Variants in SYCP2 observed in about 807,000 individuals in gnomAD.
The protein encoded by SYCP2 is synaptonemal complex lateral element protein.
In SYCP2, 55 loss-of-function variants were observed where a neutral mutation model predicts 211.3. The ratio of observed to expected loss-of-function variants is 0.26; its 90% CI spans 0.21 to 0.33. The LOEUF is 0.33. SYCP2 is among the 10% of genes least tolerant of loss of function. The probability of loss-of-function intolerance (pLI) is 1.00; values close to 1 mark genes in which losing one functional copy is unlikely to be tolerated. For missense variants in SYCP2, 1,731 were observed against 1,752.0 expected (o/e 0.99, Z 0.21); for synonymous variants, 570 against 555.2 (o/e 1.03, Z -0.37).
In SYCP2 at chr20:59,865,387, C is replaced by T. The variant is rs1413719650; in HGVS notation, c.4515+1G>A. ...CCCATTTTCAAACTTAGTTGACTTA[C>T]CATGTCCTTAAGAAGCCTGTCTTGC... is the stretch of plus-strand genomic sequence containing the variant. On this transcript the variant is annotated splice_donor_variant, in intron 44 of 44. Transcript: ENST00000357552. LOFTEE classifies it high-confidence loss of function. 6.2e-7 allele frequency: 1 copy of T among 1,605,980 alleles called. No homozygotes were observed. The highest frequency in any genetic ancestry group is 2.2e-5 in the East Asian group (1 of 44,560).
intron 30 of SYCP2, 88 bp from the exon 31 acceptor site, chr20:59,880,559 A>G: frequency 1.5e-6 from 1 of 674,870 alleles, no homozygotes; most frequent in Non-Finnish European, 2.3e-6. Context: ...CAACAACAAC[A>G]AAAAAAAACA....
At chr20:59,865,544 G>T (rs767974748) in intron 43 of SYCP2, 29 bp downstream of exon 43, 30 of 1,579,150 alleles carry the variant, frequency 1.9e-5, no homozygotes, top group Non-Finnish European at 2.6e-6. Flanking sequence ...ATCAAGAGAG[G>T]TAACCTATAA....
chr20:59,921,179 A>T (rs2060535175), intron 4 of SYCP2, 131 bp downstream of exon 4: 1 of 620,212 alleles, frequency 1.6e-6, no homozygotes. Context: ...ATGGTGAAAT[A>T]AGCATTTATT....
In SYCP2 at chr20:59,924,753, A is replaced by T. The variant is rs1283865451; in HGVS notation, c.-46-2294T>A. 2.6e-5 allele frequency among the ~76,000 whole-genome samples: 4 copies of T among 152,046 alleles called. No homozygotes were observed. In the South Asian group the frequency reaches 8.3e-4, roughly 31 times the overall value. ...AAAAAGAAAAGATAGCTACCACACAAACAAAAGAAAGCTAATAAAACTATA... is the reference window on the plus strand; with the variant it reads ...AAAAAGAAAAGATAGCTACCACACATACAAAAGAAAGCTAATAAAACTATA... On this transcript the variant is annotated intron_variant, in intron 2 of 44. Coordinates refer to ENST00000357552, the MANE Select transcript of SYCP2 (RefSeq NM_014258.4).
At chr20:59,932,927 T>A (rs879443601) in intron 1 of SYCP2, among the ~76,000 whole-genome samples, 40 of 151,902 alleles carry the variant, frequency 2.6e-4, no homozygotes, top group Non-Finnish European at 4.6e-4. Context: ...ACTCCCTTCT[T>A]CCCTAAGTGG....
intron 34 of SYCP2, among the ~76,000 whole-genome samples, chr20:59,874,415 G>A (rs1022632830): frequency 1.3e-5 from 2 of 152,010 alleles, no homozygotes; most frequent in Non-Finnish European, 2.9e-5. Context: ...AAAATTTTAT[G>A]ATTGAAAAAG....
chr20:59,883,047 A>C (rs1412455685), intron 26 of SYCP2, among the ~76,000 whole-genome samples: 1 of 152,176 alleles, frequency 6.6e-6, no homozygotes, highest in African/African-American at 2.4e-5. Flanking sequence ...CACCACCCAT[A>C]TATATAATTG....
chr20:59,865,561 T>TA lies in SYCP2; in HGVS notation c.4458+11dup. ...CAAGAGAGGTAACCTATAAAAAGCA[T>TA]AAAATTTATACCTCGGATGTAAAAA... On this transcript the variant is annotated intron_variant, in intron 43 of 44. Transcript: ENST00000357552. 1 of 1,593,908 alleles carries TA rather than the reference T, an allele frequency of 6.3e-7. No homozygotes were observed. The highest frequency in any genetic ancestry group is 8.5e-7 in the Non-Finnish European group (1 of 1,169,684).
intron 20 of SYCP2, 52 bp from the exon 21 acceptor site, chr20:59,893,645 C>A: frequency 3.7e-6 from 5 of 1,365,246 alleles, no homozygotes; most frequent in Non-Finnish European, 5.1e-6. Context: ...ATATGAAAAC[C>A]TAAATGTTAC....
In SYCP2 at chr20:59,866,295, C is replaced by A; in HGVS notation, c.4318G>T (p.Val1440Leu). 1 of 1,575,110 alleles carries A rather than the reference C, an allele frequency of 6.3e-7. No homozygotes were observed. The highest frequency in any genetic ancestry group is 8.6e-7 in the Non-Finnish European group (1 of 1,163,190). The change falls in exon 41 of 45, where the codon GTG becomes TTG. Residue 1440 changes from valine to leucine, a missense_variant and splice_region_variant. Physicochemically the swap from Val to Leu is conservative, Grantham distance 32. Coordinates refer to ENST00000357552, the MANE Select transcript of SYCP2 (RefSeq NM_014258.4). Reference sequence around the variant, plus strand: ...AAAAAATTTTTAAAGTAACAAACCACAAATTCCTTTTCCAAATCTTTTAAA... The same window carrying A: ...AAAAAATTTTTAAAGTAACAAACCAAAAATTCCTTTTCCAAATCTTTTAAA... Reference protein sequence around the residue: ...QSLKDLEKEFVDFWEKIFQKF... With the variant: ...QSLKDLEKEFLDFWEKIFQKF...
At chr20:59,870,063 T>C in intron 35 of SYCP2, 80 bp from the exon 36 acceptor site, 5 of 922,798 alleles carry the variant, frequency 5.4e-6, no homozygotes, top group Non-Finnish European at 6.2e-6. Context: ...GAGTTGAACA[T>C]AAGAAACATT....
At chr20:59,929,557 G>C (rs2060695494) in intron 2 of SYCP2, among the ~76,000 whole-genome samples, 1 of 152,116 alleles carries the variant, frequency 6.6e-6, no homozygotes, top group South Asian at 2.1e-4. Context: ...GAATTCAGTA[G>C]CTGAATATAA....
Position 59,914,152 on chromosome 20 carries a change from A to G in SYCP2, c.734T>C (p.Ile245Thr), listed in dbSNP as rs2060386825. The change falls in exon 11 of 45, where the codon ATT becomes ACT. Residue 245 changes from isoleucine (I) to threonine (T), a missense_variant. Physicochemically the swap from Ile to Thr is moderately conservative, Grantham distance 89. Transcript: ENST00000357552. ...LAHQWFSMDF[I>T]AKAFKRIKDS... ...CTTAATTCTTTTAAATGCCTTAGCA[A>G]TAAAATCCATTGAAAACCACTGATG... The G allele has an allele frequency of 5.0e-6, 8 of 1,605,666 alleles. No homozygotes were observed. The highest frequency in any genetic ancestry group is 6.8e-6 in the Non-Finnish European group (8 of 1,174,492).
intron 37 of SYCP2, 121 bp downstream of exon 37, chr20:59,868,709 CTAGTT>C (rs1000359834): frequency 7.3e-6 from 9 of 1,240,338 alleles, no homozygotes; most frequent in Admixed American, 3.0e-5. Context: ...TCAATTCTAC[CTAGTT>C]TATTTTCTTT....
At chr20:59,902,424 TA>T (rs1405092299) in intron 15 of SYCP2, among the ~76,000 whole-genome samples, 2 of 152,092 alleles carry the variant, frequency 1.3e-5, no homozygotes, top group Non-Finnish European at 2.9e-5. Flanking sequence ...TGGCCCCTAA[TA>T]AATGCACCTG....
At chr20:59,893,299 A>G in intron 21 of SYCP2, 100 bp from the exon 22 acceptor site, 1 of 847,044 alleles carries the variant, frequency 1.2e-6, no homozygotes, top group Non-Finnish European at 1.8e-6. Flanking sequence ...ACATATTGGG[A>G]TGAACGGATT....
At chr20:59,901,131 G>T (rs1478185114) in intron 16 of SYCP2, among the ~76,000 whole-genome samples, 1 of 151,916 alleles carries the variant, frequency 6.6e-6, no homozygotes, top group Non-Finnish European at 1.5e-5. Flanking sequence ...CACATGAATT[G>T]TCACCTTAGA....
In SYCP2 at chr20:59,911,861, T is replaced by C. The variant is rs74874725; in HGVS notation, c.877-16A>G. ...GTATTTGCAGCTAATAAAATAAACA[T>C]ACAAAACTGGAATATACAATGATTT... On this transcript the variant is annotated splice_polypyrimidine_tract_variant and intron_variant, in intron 13 of 44. Transcript: ENST00000357552. 5.3e-3 allele frequency: 7,105 copies of C among 1,342,082 alleles called. 317 individuals are homozygous for C. The African/African-American group carries it at 0.091, about 17-fold the overall frequency. 83.1% of individuals were successfully genotyped at this position (1,342,082 alleles called of 1,614,324 possible). A position where few individuals can be genotyped will look rare whatever the true frequency, so the allele number is the denominator to read the frequency against.
intron 2 of SYCP2, among the ~76,000 whole-genome samples, chr20:59,926,974 C>A (rs1266358254): frequency 1.3e-5 from 2 of 152,120 alleles, no homozygotes; most frequent in Non-Finnish European, 2.9e-5. Flanking sequence ...CTGACAGAGA[C>A]TGGTCTACTG....
Sources: allele counts gnomAD v4.1 joint callset (sites outside exome capture counted in the v4.1 genomes callset), GRCh38; gene constraint gnomAD v4.1.1; transcripts MANE v1.5; gene names NCBI Gene and HGNC (gene_info 2026-07-23, HGNC 2026-07-21).